Variants in BICC1 observed in about 807,000 individuals in gnomAD.
BICC1 encodes protein bicaudal C homolog 1.
A neutral mutation model predicts 111.0 loss-of-function variants in BICC1; 43 were observed. The ratio of observed to expected loss-of-function variants is 0.39; its 90% confidence interval spans 0.30 to 0.50. The LOEUF is 0.50. BICC1 is among the 20% of genes least tolerant of loss of function. BICC1 has a pLI of 0.88. For synonymous variants in BICC1, 467 were observed against 434.4 expected, an observed-to-expected ratio of 1.07 and a Z score of -0.93; for missense variants, 1,091 against 1,203.2, an observed-to-expected ratio of 0.91 and a Z score of 1.38.
chr10:58,519,942 G>A (rs186498636), intron 1 of BICC1, among the ~76,000 whole-genome samples: 1 of 151,832 alleles, frequency 6.6e-6, no homozygotes, highest in African/African-American at 2.4e-5. Flanking sequence ...TCCTCCCACT[G>A]TCCACACATG....
intron 3 of BICC1, among the ~76,000 whole-genome samples, chr10:58,764,277 T>G (rs2132694619): frequency 6.6e-6 from 1 of 152,274 alleles, no homozygotes; most frequent in Non-Finnish European, 1.5e-5. Context: ...ACACTGTTTC[T>G]TCAGAGGCCC....
intron 1 of BICC1, among the ~76,000 whole-genome samples, chr10:58,618,440 T>C (rs191842202): frequency 2.5e-3 from 383 of 152,334 alleles, no homozygotes; most frequent in Admixed American, 3.3e-3. Context: ...AAAGGTATAA[T>C]TATCCTGCTG....
chr10:58,693,467 A>G lies in BICC1; in HGVS notation c.238-8607A>G, dbSNP rs986324857. 4.4e-4 allele frequency among the ~76,000 whole-genome samples: 67 copies of G among 152,248 alleles called. 1 individual carries two copies. Among genetic ancestry groups the G allele is most frequent in the South Asian group, 8.3e-4 (4 of 4,834 alleles). On this transcript the variant is annotated intron_variant, in intron 2 of 20. Coordinates refer to ENST00000373886, the MANE Select transcript of BICC1 (RefSeq NM_001080512.3). Reference sequence around the variant, plus strand: ...TTCCACAATGGTTGAACTAGTTTACAGTCCCACCAACAGAGTAAAAGTGTT... The same window carrying G: ...TTCCACAATGGTTGAACTAGTTTACGGTCCCACCAACAGAGTAAAAGTGTT...
intron 3 of BICC1, among the ~76,000 whole-genome samples, chr10:58,771,447 A>C (rs759661697): frequency 2.6e-5 from 4 of 152,080 alleles, no homozygotes; most frequent in African/African-American, 4.8e-5. Flanking sequence ...CAGACTGATG[A>C]AAGCAGGTAT....
chr10:58,711,526 A>G (rs1047515039), intron 3 of BICC1, among the ~76,000 whole-genome samples: 6 of 152,188 alleles, frequency 3.9e-5, no homozygotes, highest in Non-Finnish European at 1.5e-5. Flanking sequence ...CAGCGCACAC[A>G]TCATTTTACA....
intron 2 of BICC1, among the ~76,000 whole-genome samples, chr10:58,693,775 G>T (rs1029415779): frequency 4.6e-5 from 7 of 152,148 alleles, no homozygotes; most frequent in Non-Finnish European, 1.0e-4. Flanking sequence ...TTTGTCAGAT[G>T]AGTAGGTTGC....
chr10:58,680,482 T>C (rs1839483640), intron 2 of BICC1, among the ~76,000 whole-genome samples: 1 of 152,120 alleles, frequency 6.6e-6, no homozygotes, highest in Admixed American at 6.6e-5. Flanking sequence ...GTGAAGGACC[T>C]CTTCAAGGAT....
At chr10:58,815,557 G>A (rs1390549192) in intron 18 of BICC1, among the ~76,000 whole-genome samples, 1 of 151,996 alleles carries the variant, frequency 6.6e-6, no homozygotes, top group African/African-American at 2.4e-5. Context: ...GTACTACTCA[G>A]TTGAATAGAA....
rs1210234724 is a variant in BICC1, at chr10:58,830,723, C to T, written c.*1832C>T. Reference sequence around the variant, plus strand: ...CTGCCCTTTTTAAGCTAAACTAAGCCTTATCTGCTTAAGGATGTTGAACTG... The same window carrying T: ...CTGCCCTTTTTAAGCTAAACTAAGCTTTATCTGCTTAAGGATGTTGAACTG... On this transcript the variant is annotated 3_prime_UTR_variant, in exon 21 of 21. Transcript: ENST00000373886. 1 of 152,132 alleles carries T rather than the reference C, an allele frequency of 6.6e-6. No individual in the cohort carries two copies. Among genetic ancestry groups the T allele is most frequent in the Non-Finnish European group, 1.5e-5 (1 of 68,018 alleles). 9.4% of individuals were successfully genotyped at this position (152,132 alleles called of 1,614,324 possible).
rs1844483013 is a variant in BICC1, at chr10:58,829,069, G to A, written c.*178G>A. On this transcript the variant is annotated 3_prime_UTR_variant, in exon 21 of 21. Transcript: ENST00000373886. ...AAGAAGAGAGAGAAGATGTTCTTAT[G>A]ATGTCATACAGAACACCAAATATGG... The A allele has an allele frequency of 1.5e-6, 1 of 656,964 alleles. No individual in the cohort carries two copies. Among genetic ancestry groups the A allele is most frequent in the Admixed American group, 3.4e-5 (1 of 29,568 alleles). The allele number at this position is 656,964 out of a possible 1,614,324, so 40.7% of individuals were successfully genotyped here.
intron 3 of BICC1, among the ~76,000 whole-genome samples, chr10:58,710,881 C>T (rs150797453): frequency 2.0e-5 from 3 of 152,224 alleles, no homozygotes; most frequent in Non-Finnish European, 2.9e-5. Context: ...TAGGGACTTG[C>T]TCCTTTGCCC....
chr10:58,765,372 T>A lies in BICC1; in HGVS notation c.308-19629T>A, dbSNP rs894592571. ...ATGCCTGGCCTGGTAGTGTGTATTT[T>A]TAAATGTGTGCAAAGTGGGCTTCCA... On this transcript the variant is annotated intron_variant, in intron 3 of 20. Coordinates refer to ENST00000373886, the MANE Select transcript of BICC1 (RefSeq NM_001080512.3). 9.9e-5 allele frequency among the ~76,000 whole-genome samples: 15 copies of A among 152,170 alleles called. 1 individual carries two copies. Among genetic ancestry groups the A allele is most frequent in the Admixed American group, 9.8e-4 (15 of 15,284 alleles).
At chr10:58,794,697 G>T (rs542798429) in intron 9 of BICC1, among the ~76,000 whole-genome samples, 5 of 152,154 alleles carry the variant, frequency 3.3e-5, no homozygotes, top group Non-Finnish European at 7.3e-5. Context: ...TGGGATTACA[G>T]GTGTGAGTCA....
At chr10:58,572,625 C>G (rs1843994002) in intron 1 of BICC1, among the ~76,000 whole-genome samples, 1 of 151,962 alleles carries the variant, frequency 6.6e-6, no homozygotes, top group Admixed American at 6.6e-5. Flanking sequence ...ATAAAATATG[C>G]ATGAAATTGA....
chr10:58,624,267 T>C (rs1845917331), intron 2 of BICC1, among the ~76,000 whole-genome samples: 1 of 152,242 alleles, frequency 6.6e-6, no homozygotes. Flanking sequence ...TGTGTTCATC[T>C]TATTATACAT....
chr10:58,775,146 G>A, intron 3 of BICC1, among the ~76,000 whole-genome samples: 1 of 152,298 alleles, frequency 6.6e-6, no homozygotes, highest in Non-Finnish European at 1.5e-5. Flanking sequence ...GCCAAGCTGG[G>A]AGGATCACTT....
chr10:58,666,727 A>G (rs1466951602), intron 2 of BICC1, among the ~76,000 whole-genome samples: 1 of 152,108 alleles, frequency 6.6e-6, no homozygotes, highest in Admixed American at 6.6e-5. Flanking sequence ...CCTTCCTTTT[A>G]TGGGACTAAA....
intron 2 of BICC1, among the ~76,000 whole-genome samples, chr10:58,622,284 T>C (rs1464191316): frequency 2.6e-5 from 4 of 152,214 alleles, no homozygotes; most frequent in African/African-American, 4.8e-5. Context: ...AGGATTCTTC[T>C]TCATTGTTCT....
chr10:58,828,835 GGAAGGCTACCCC>G lies in BICC1; in HGVS notation c.2871_2882del (p.Arg958_Arg961del), dbSNP rs1326756264. ...CTCTTTCCTGGAAGGTGGAGCGAGT[GGAAGGCTACCCC>G]GTCAGTATCACTCAGACATTGCTAG... On this transcript the variant is annotated inframe_deletion, in exon 21 of 21. Transcript: ENST00000373886. 2 of 1,613,860 alleles carry G rather than the reference GGAAGGCTACCCC, an allele frequency of 1.2e-6. No homozygotes were observed. Among genetic ancestry groups the G allele is most frequent in the Non-Finnish European group, 1.7e-6 (2 of 1,179,916 alleles).
Sources: allele counts gnomAD v4.1 joint callset (sites outside exome capture counted in the v4.1 genomes callset), GRCh38; gene constraint gnomAD v4.1.1; transcripts MANE v1.5; gene names NCBI Gene and HGNC (gene_info 2026-07-23, HGNC 2026-07-21).